The following GALNTL6 variants were observed in gnomAD, a reference collection of about 807,000 sequenced individuals.
GALNTL6 encodes polypeptide N-acetylgalactosaminyltransferase like 6, also known as polypeptide N-acetylgalactosaminyltransferase-like 6.
GALNTL6 carries 46 observed loss-of-function variants against 73.7 expected under a neutral mutation model. That is an observed-to-expected ratio of 0.62 (90% CI 0.49 to 0.80). GALNTL6 has a LOEUF of 0.80. GALNTL6 is among the 30% of genes least tolerant of loss of function. The pLI is 0.00. For synonymous variants in GALNTL6, 259 were observed against 263.7 expected (o/e 0.98, Z 0.17); for missense variants, 604 against 755.0 (o/e 0.80, Z 2.34).
chr4:172,416,528 A>G (rs1269786343), intron 5 of GALNTL6, among the ~76,000 whole-genome samples: 1 of 152,222 alleles, frequency 6.6e-6, no homozygotes. Context: ...TTAAGTGAGA[A>G]GCCCCCACCT....
chr4:173,005,512 G>A lies in GALNTL6; in HGVS notation c.1372-3666G>A, dbSNP rs1162973176. 3.6e-5 allele frequency among the ~76,000 whole-genome samples: 4 copies of A among 109,848 alleles called. No homozygotes were observed. The South Asian group carries it at 1.1e-3, about 31-fold the overall frequency. The allele number at this position is 109,848 out of a possible 152,430, so 72.1% of individuals were successfully genotyped here. ...TGAAAAAATATGAATCATCATAAGT[G>A]TTCTTGTCTACATTTAAAAAAAATA... is the stretch of plus-strand genomic sequence containing the variant. On this transcript the variant is annotated intron_variant, in intron 10 of 12. Coordinates refer to ENST00000506823, the MANE Select transcript of GALNTL6 (RefSeq NM_001034845.3).
chr4:172,525,470 A>G (rs1297551049), intron 5 of GALNTL6, among the ~76,000 whole-genome samples: 1 of 152,020 alleles, frequency 6.6e-6, no homozygotes, highest in African/African-American at 2.4e-5. Flanking sequence ...GTGGTTTTAA[A>G]CTTTTTTTAA....
At chr4:172,423,655 T>TA (rs1731127205) in intron 5 of GALNTL6, among the ~76,000 whole-genome samples, 2 of 152,124 alleles carry the variant, frequency 1.3e-5, no homozygotes, top group African/African-American at 4.8e-5. Flanking sequence ...GCCTAATATA[T>TA]CATGTATTTA....
intron 5 of GALNTL6, among the ~76,000 whole-genome samples, chr4:172,657,839 G>A (rs1256625612): frequency 6.6e-6 from 1 of 152,130 alleles, no homozygotes; most frequent in Non-Finnish European, 1.5e-5. Flanking sequence ...ACCAGTCAAC[G>A]GTCGGCACAC....
At chr4:172,689,318 T>G in intron 5 of GALNTL6, among the ~76,000 whole-genome samples, 1 of 152,142 alleles carries the variant, frequency 6.6e-6, no homozygotes, top group East Asian at 1.9e-4. Context: ...TTATTTAAAT[T>G]TCTGTTTCCA....
At chr4:172,167,710 G>C (rs1270440770) in intron 2 of GALNTL6, among the ~76,000 whole-genome samples, 1 of 151,920 alleles carries the variant, frequency 6.6e-6, no homozygotes, top group Non-Finnish European at 1.5e-5. Flanking sequence ...TGTAATCCCA[G>C]CACTTTGGGA....
chr4:172,023,064 C>T (rs35164539), intron 2 of GALNTL6, among the ~76,000 whole-genome samples: 18,535 of 151,906 alleles, frequency 0.12, 2,859 homozygotes, highest in African/African-American at 0.36. Context: ...TACTCCTTTC[C>T]TCCCAACATC....
At chr4:172,352,598 G>A (rs939212013) in intron 5 of GALNTL6, among the ~76,000 whole-genome samples, 2 of 152,134 alleles carry the variant, frequency 1.3e-5, no homozygotes, top group African/African-American at 4.8e-5. Context: ...TGTGAAATGG[G>A]CTGGGGCTTA....
At chr4:172,030,205 T>C (rs759397377) in intron 2 of GALNTL6, among the ~76,000 whole-genome samples, 14 of 152,134 alleles carry the variant, frequency 9.2e-5, no homozygotes, top group Middle Eastern at 3.2e-3. Flanking sequence ...TGTTACATAT[T>C]TAGGTAAATT....
chr4:172,979,943 A>G lies in GALNTL6; in HGVS notation c.1371+27685A>G, dbSNP rs113686952. Among the ~76,000 whole-genome samples, 127 of 152,320 alleles carry G rather than the reference A, an allele frequency of 8.3e-4. 1 individual carries two copies. The highest frequency in any genetic ancestry group is 8.1e-3 in the East Asian group (42 of 5,186). ...GGAATTTCCAGTTGTTATCTCTCCT[A>G]AGACAATTATGCACCATCGTGGAAA... On this transcript the variant is annotated intron_variant, in intron 10 of 12. Coordinates refer to ENST00000506823, the MANE Select transcript of GALNTL6 (RefSeq NM_001034845.3).
At chr4:172,583,355 T>C (rs2110978704) in intron 5 of GALNTL6, among the ~76,000 whole-genome samples, 1 of 152,362 alleles carries the variant, frequency 6.6e-6, no homozygotes, top group Non-Finnish European at 1.5e-5. Flanking sequence ...CAGAGGTATT[T>C]ATTTTTTAAT....
At chr4:172,274,333 C>G (rs946224941) in intron 3 of GALNTL6, among the ~76,000 whole-genome samples, 1 of 152,150 alleles carries the variant, frequency 6.6e-6, no homozygotes, top group Admixed American at 6.5e-5. Context: ...ATATTTCATA[C>G]TTTACAACAA....
chr4:171,913,130 A>G (rs1417576789), intron 2 of GALNTL6, among the ~76,000 whole-genome samples: 1 of 152,154 alleles, frequency 6.6e-6, no homozygotes, highest in Non-Finnish European at 1.5e-5. Context: ...CTGATCAGAA[A>G]CCATGAATTG....
chr4:172,181,973 T>G (rs1735260732), intron 2 of GALNTL6, among the ~76,000 whole-genome samples: 1 of 152,058 alleles, frequency 6.6e-6, no homozygotes, highest in African/African-American at 2.4e-5. Flanking sequence ...TGACTCGGCC[T>G]CCCAAAGTGC....
At chr4:172,525,128 G>A (rs997594525) in intron 5 of GALNTL6, among the ~76,000 whole-genome samples, 1 of 151,870 alleles carries the variant, frequency 6.6e-6, no homozygotes, top group Non-Finnish European at 1.5e-5. Flanking sequence ...GTCTTCCTTT[G>A]TACCAAAAGC....
chr4:171,964,181 T>C (rs997393399), intron 2 of GALNTL6, among the ~76,000 whole-genome samples: 3 of 151,854 alleles, frequency 2.0e-5, no homozygotes, highest in Non-Finnish European at 4.4e-5. Flanking sequence ...ATACTTTTTT[T>C]TTTTTCCTCT....
intron 5 of GALNTL6, among the ~76,000 whole-genome samples, chr4:172,404,637 G>A (rs907921615): frequency 6.6e-6 from 1 of 151,930 alleles, no homozygotes; most frequent in Non-Finnish European, 1.5e-5. Flanking sequence ...AGCTGTTCTT[G>A]TATATACAGA....
intron 2 of GALNTL6, among the ~76,000 whole-genome samples, chr4:171,865,594 A>G (rs1735949319): frequency 6.6e-6 from 1 of 152,228 alleles, no homozygotes. Context: ...TTTGTATTTC[A>G]AGGAAAAAAG....
chr4:172,642,265 A>C (rs1021228128), intron 5 of GALNTL6, among the ~76,000 whole-genome samples: 18 of 152,066 alleles, frequency 1.2e-4, no homozygotes, highest in African/African-American at 4.1e-4. Context: ...TGTCAAAGAG[A>C]TATCTGCACT....
Sources: allele counts gnomAD v4.1 joint callset (sites outside exome capture counted in the v4.1 genomes callset), GRCh38; gene constraint gnomAD v4.1.1; transcripts MANE v1.5; gene names NCBI Gene and HGNC (gene_info 2026-07-23, HGNC 2026-07-21).